Variants in CATSPERD observed in about 807,000 individuals in gnomAD.
The protein encoded by CATSPERD is cation channel sperm-associated auxiliary subunit delta.
Under a neutral mutation model 98.1 loss-of-function variants are expected in CATSPERD, and 86 were observed. The ratio of observed to expected loss-of-function variants is 0.88; its 90% CI spans 0.74 to 1.05. The LOEUF (loss-of-function observed/expected upper bound fraction) is 1.05, where lower values mean the gene tolerates loss of function less well. CATSPERD is among the 50% of genes least tolerant of loss of function. The pLI is 0.00. For missense variants in CATSPERD, 995 were observed against 1,005.7 expected, an observed-to-expected ratio of 0.99 and a Z score of 0.14; for synonymous variants, 394 against 390.2, an observed-to-expected ratio of 1.01 and a Z score of -0.12.
intron 3 of CATSPERD, among the ~76,000 whole-genome samples, chr19:5,728,635 G>T (rs1290384808): frequency 1.3e-5 from 2 of 151,454 alleles, no homozygotes; most frequent in Admixed American, 6.6e-5. Flanking sequence ...GAGGCAGGAG[G>T]ATCACTTGAG....
In CATSPERD at chr19:5,753,281, G is replaced by C. The variant is rs181101191; in HGVS notation, c.1165-851G>C. On this transcript the variant is annotated intron_variant, in intron 12 of 21. Coordinates refer to ENST00000381624, the MANE Select transcript of CATSPERD (RefSeq NM_152784.4). The stretch of plus-strand genomic sequence containing the variant: ...TACTCTAAAGAAACAGAAAGAGGGG[G>C]CGGGCGCGGTGGCTCACGCCTGTAA... 5.3e-3 allele frequency among the ~76,000 whole-genome samples: 803 copies of C among 151,866 alleles called. 5 individuals are homozygous for C. The highest frequency in any genetic ancestry group is 0.015 in the African/African-American group (629 of 41,444).
At chr19:5,762,030 G>A (rs1410104803) in intron 15 of CATSPERD, among the ~76,000 whole-genome samples, 3 of 95,400 alleles carry the variant, frequency 3.1e-5, no homozygotes, top group East Asian at 2.7e-4. Flanking sequence ...GAGCCACTGC[G>A]CCTGGCCTGC....
At chr19:5,757,720 T>C in intron 13 of CATSPERD, 123 bp from the exon 14 acceptor site, 1 of 636,044 alleles carries the variant, frequency 1.6e-6, no homozygotes, top group Non-Finnish European at 2.7e-6. Context: ...GGATTACAGA[T>C]ATGAGCCACT....
chr19:5,760,757 G>C (rs1395924918), intron 15 of CATSPERD, among the ~76,000 whole-genome samples: 1 of 151,970 alleles, frequency 6.6e-6, no homozygotes, highest in Non-Finnish European at 1.5e-5. Flanking sequence ...GGCCCGGTGT[G>C]ACGGCTCACG....
chr19:5,775,664 AAAAG>A (rs1568378230), intron 20 of CATSPERD, among the ~76,000 whole-genome samples: 3 of 150,198 alleles, frequency 2.0e-5, no homozygotes, highest in Admixed American at 6.7e-5. Context: ...AAAAAAAAAA[AAAAG>A]AAAGAAAAGA....
chr19:5,762,571 G>A (rs1192776138), intron 15 of CATSPERD, among the ~76,000 whole-genome samples: 2 of 152,150 alleles, frequency 1.3e-5, no homozygotes. Context: ...GTGGATAGAT[G>A]GATAGAGAGA....
At chr19:5,756,915 C>T (rs564089608) in intron 13 of CATSPERD, among the ~76,000 whole-genome samples, 1 of 151,618 alleles carries the variant, frequency 6.6e-6, no homozygotes, top group African/African-American at 2.4e-5. Context: ...TGCACTGCAG[C>T]CTGGGTGACA....
At chr19:5,748,979 C>A (rs10418944) in intron 10 of CATSPERD, 122 bp from the exon 11 acceptor site, 9 of 661,558 alleles carry the variant, frequency 1.4e-5, no homozygotes, top group Non-Finnish European at 2.1e-5. Context: ...ATCCACCCCC[C>A]TCGGCCTCTC....
chr19:5,748,124 C>G (rs1435928966), intron 9 of CATSPERD, 36 bp from the exon 10 acceptor site: 14 of 1,553,840 alleles, frequency 9.0e-6, no homozygotes, highest in Non-Finnish European at 1.2e-5. Context: ...CCAGGATGTA[C>G]ACGGGGCCTC....
In CATSPERD at chr19:5,751,708, T is replaced by C; in HGVS notation, c.1049T>C (p.Leu350Pro). 6.2e-7 allele frequency: 1 copy of C among 1,613,904 alleles called. No individual in the cohort carries two copies. Among genetic ancestry groups the C allele is most frequent in the Middle Eastern group, 1.7e-4 (1 of 6,010 alleles). ...CTGATGTTCAGGAGCCCAGGGACTC[T>C]GGAAATACTGACCCCACTGCGTGAC... is the stretch of plus-strand genomic sequence containing the variant. Reference protein sequence around the residue: ...VALMFRSPGTLEILTPLRDTA... With the variant: ...VALMFRSPGTPEILTPLRDTA... Residue 350 changes from leucine (L) to proline (P), a missense_variant, in exon 12 of 22, where the codon CTG becomes CCG. Leu to Pro is a moderately conservative substitution (Grantham distance 98). This residue lies in a region of CATSPERD where 762 missense variants were observed against 773.7 expected (regional missense o/e 0.98). Coordinates refer to ENST00000381624, the MANE Select transcript of CATSPERD (RefSeq NM_152784.4).
chr19:5,762,317 G>A (rs1440129470), intron 15 of CATSPERD, among the ~76,000 whole-genome samples: 1 of 151,490 alleles, frequency 6.6e-6, no homozygotes, highest in Non-Finnish European at 1.5e-5. Flanking sequence ...GCCCACCTCG[G>A]CCTCCCAAAG....
intron 11 of CATSPERD, among the ~76,000 whole-genome samples, chr19:5,750,717 A>G (rs1421435856): frequency 1.3e-5 from 2 of 151,900 alleles, no homozygotes; most frequent in South Asian, 2.1e-4. Flanking sequence ...CCTGGGCGAC[A>G]GAGTGAGGCT....
At position 5,762,062 on chromosome 19, in the gene CATSPERD, T is replaced by A. The variant is rs866629053; in HGVS notation, c.1428-1153T>A. Among the ~76,000 whole-genome samples, 92 of 19,580 alleles carry A rather than the reference T, an allele frequency of 4.7e-3. 1 individual carries two copies. The highest frequency in any genetic ancestry group is 7.0e-3 in the African/African-American group (52 of 7,380). The allele number at this position is 19,580 out of a possible 152,430, so 12.8% of individuals were successfully genotyped here. ...CTGCCATATATATATATATATATTTTTTTTTTTTTTTTTTTTTTTGAGACA... is the reference window on the plus strand; with the variant it reads ...CTGCCATATATATATATATATATTTATTTTTTTTTTTTTTTTTTTGAGACA... On this transcript the variant is annotated intron_variant, in intron 15 of 21. Coordinates refer to ENST00000381624, the MANE Select transcript of CATSPERD (RefSeq NM_152784.4).
intron 15 of CATSPERD, among the ~76,000 whole-genome samples, chr19:5,762,094 C>G (rs536119101): frequency 1.5e-5 from 1 of 66,618 alleles, no homozygotes; most frequent in South Asian, 5.6e-4. Flanking sequence ...GACACAGTTT[C>G]ACTCTGTCGC....
Position 5,768,203 on chromosome 19 carries a change from C to G in CATSPERD, c.1595C>G (p.Pro532Arg). The change falls in exon 18 of 22, where the codon CCC becomes CGC. Residue 532 changes from proline to arginine, a missense_variant. By Grantham distance (103) the Pro-to-Arg change is moderately radical. Coordinates refer to ENST00000381624, the MANE Select transcript of CATSPERD (RefSeq NM_152784.4). ...VSACSMGILD[P>R]LTLQDNYSFI... ...GCCTGTTCCATGGGCATCCTGGACCCCTTGACCCTGCAAGACAATTACAGC... is the reference window on the plus strand; with the variant it reads ...GCCTGTTCCATGGGCATCCTGGACCGCTTGACCCTGCAAGACAATTACAGC... 1.9e-6 allele frequency: 3 copies of G among 1,613,882 alleles called. No individual in the cohort carries two copies. The highest frequency in any genetic ancestry group is 2.5e-6 in the Non-Finnish European group (3 of 1,179,854).
At chr19:5,754,111 C>A in intron 12 of CATSPERD, 21 bp from the exon 13 acceptor site, 2 of 1,505,006 alleles carry the variant, frequency 1.3e-6, no homozygotes, top group East Asian at 2.3e-5. Flanking sequence ...GATTATCTTT[C>A]TTCTTCGCCT....
At chr19:5,762,056 A>ATATATATGTAT (rs1555725338) in intron 15 of CATSPERD, among the ~76,000 whole-genome samples, 6 of 14,480 alleles carry the variant, frequency 4.1e-4, no homozygotes, top group Non-Finnish European at 9.5e-4. Context: ...ATATATATAT[A>ATATATATGTAT]TATTTTTTTT....
chr19:5,734,933 C>G (rs879481380), intron 5 of CATSPERD, among the ~76,000 whole-genome samples: 1 of 152,020 alleles, frequency 6.6e-6, no homozygotes, highest in Non-Finnish European at 1.5e-5. Flanking sequence ...GTCCCTCCCA[C>G]ACACTTCTCA....
chr19:5,745,988 A>G lies in CATSPERD; in HGVS notation c.733A>G (p.Ile245Val). The change falls in exon 9 of 22, where the codon ATC becomes GTC. Residue 245 changes from isoleucine (I) to valine (V), a missense_variant. This residue lies in a region of CATSPERD where 762 missense variants were observed against 773.7 expected (regional missense o/e 0.98). Coordinates refer to ENST00000381624, the MANE Select transcript of CATSPERD (RefSeq NM_152784.4). Reference sequence around the variant, plus strand: ...TTTTGACTATAATGGGACTCTAGACATCCTCATCGCCCCCGGCCAGAGAGG... The same window carrying G: ...TTTTGACTATAATGGGACTCTAGACGTCCTCATCGCCCCCGGCCAGAGAGG... ...LSFDYNGTLD[I>V]LIAPGQRGIL... 6.2e-7 allele frequency: 1 copy of G among 1,614,152 alleles called. No individual in the cohort carries two copies.
Sources: allele counts gnomAD v4.1 joint callset (sites outside exome capture counted in the v4.1 genomes callset), GRCh38; gene constraint gnomAD v4.1.1; regional missense constraint gnomAD v4.1.1; transcripts MANE v1.5; gene names NCBI Gene and HGNC (gene_info 2026-07-23, HGNC 2026-07-21).